The following AOPEP variants were observed in gnomAD, a reference collection of about 807,000 sequenced individuals.
AOPEP encodes the protein aminopeptidase O.
In AOPEP, 77 loss-of-function variants were observed where a neutral mutation model predicts 98.1. The observed-to-expected ratio is 0.78, with a 90% CI of 0.65 to 0.95. AOPEP has a LOEUF of 0.95. Among genes scored for constraint, AOPEP ranks in the 40% least tolerant of loss-of-function variants. The pLI, the probability that AOPEP is intolerant of heterozygous loss-of-function variation, is 0.00. For missense variants in AOPEP, 1,024 were observed against 1,024.7 expected (o/e 1.00, Z 0.01); for synonymous variants, 346 against 365.3 (o/e 0.95, Z 0.60).
intron 1 of AOPEP, among the ~76,000 whole-genome samples, chr9:94,750,838 C>T (rs1333305093): frequency 6.7e-6 from 1 of 148,824 alleles, no homozygotes; most frequent in Non-Finnish European, 1.5e-5. Context: ...AGCTCTGCCT[C>T]CTGGGTTCAC....
At chr9:94,856,364 G>A (rs933795226) in intron 5 of AOPEP, among the ~76,000 whole-genome samples, 1 of 152,096 alleles carries the variant, frequency 6.6e-6, no homozygotes, top group Admixed American at 6.5e-5. Context: ...GCAGAAGGCC[G>A]GGTGCGGTGG....
chr9:94,809,256 C>T (rs937183150), intron 5 of AOPEP, among the ~76,000 whole-genome samples: 15 of 152,140 alleles, frequency 9.9e-5, no homozygotes, highest in African/African-American at 3.4e-4. Context: ...AAAAGAGATT[C>T]TTTACTGGAG....
the AOPEP span, among the ~76,000 whole-genome samples, chr9:95,103,894 T>C: frequency 6.6e-6 from 1 of 152,178 alleles, no homozygotes; most frequent in African/African-American, 2.4e-5. Context: ...GTGCAAGGGC[T>C]CTGAAGAGAG....
intron 13 of AOPEP, among the ~76,000 whole-genome samples, chr9:95,047,314 T>C (rs76014691): frequency 0.011 from 1,643 of 152,232 alleles, 34 homozygotes; most frequent in African/African-American, 0.037. Flanking sequence ...CATTGCCTGA[T>C]TTTTTTTAAC....
At chr9:95,119,924 C>G in the AOPEP span, among the ~76,000 whole-genome samples, 1 of 152,180 alleles carries the variant, frequency 6.6e-6, no homozygotes, top group African/African-American at 2.4e-5. Flanking sequence ...GTTGCCCAGG[C>G]TGGTCTCCAT....
chr9:95,036,905 C>T (rs1275063632), intron 13 of AOPEP, among the ~76,000 whole-genome samples: 1 of 152,122 alleles, frequency 6.6e-6, no homozygotes, highest in African/African-American at 2.4e-5. Flanking sequence ...AGCCCGTGTG[C>T]CATCTTTTGA....
chr9:95,033,596 C>T (rs1363888080), intron 13 of AOPEP, among the ~76,000 whole-genome samples: 2 of 152,074 alleles, frequency 1.3e-5, no homozygotes, highest in East Asian at 1.9e-4. Flanking sequence ...TTTCCTCCTT[C>T]GTAAAAATGA....
intron 1 of AOPEP, among the ~76,000 whole-genome samples, chr9:94,757,714 G>A (rs771999323): frequency 2.8e-4 from 43 of 152,092 alleles, no homozygotes; most frequent in Non-Finnish European, 4.4e-4. Flanking sequence ...ATTGACCCTT[G>A]TCTCAGCTGA....
At chr9:95,037,597 G>C (rs2064939371) in intron 13 of AOPEP, among the ~76,000 whole-genome samples, 1 of 151,970 alleles carries the variant, frequency 6.6e-6, no homozygotes, top group South Asian at 2.1e-4. Context: ...CATAACTTTT[G>C]TTCTGGGCAC....
chr9:94,783,863 G>A (rs356142), intron 3 of AOPEP, among the ~76,000 whole-genome samples: 21,457 of 152,106 alleles, frequency 0.14, 1,664 homozygotes, highest in Admixed American at 0.19. Flanking sequence ...GTTTGGATAG[G>A]AATTGCTGAA....
intron 5 of AOPEP, among the ~76,000 whole-genome samples, chr9:94,817,671 GT>G (rs1852007833): frequency 6.6e-6 from 1 of 152,198 alleles, no homozygotes; most frequent in African/African-American, 2.4e-5. Flanking sequence ...TCAAGTAAAA[GT>G]TGGGAACAGA....
At chr9:95,067,302 G>C (rs1396056525) in intron 14 of AOPEP, among the ~76,000 whole-genome samples, 2 of 152,198 alleles carry the variant, frequency 1.3e-5, no homozygotes. Context: ...TGTAATGGTG[G>C]AATTTTGTGT....
rs182862692 is a variant in AOPEP at position 94,971,540 on chromosome 9, A to G, written c.1916+3739A>G. The stretch of plus-strand genomic sequence containing the variant: ...CCCACACCTACCCCCCGGAGCCTCT[A>G]ATCTTTGGCCTCTGTTGCAAACTGA... On this transcript the variant is annotated intron_variant, in intron 10 of 16. Transcript: ENST00000375315. Among the ~76,000 whole-genome samples, 13 of 152,260 alleles carry G rather than the reference A, an allele frequency of 8.5e-5. No individual in the cohort carries two copies. The East Asian group carries it at 2.5e-3, about 29-fold the overall frequency.
intron 13 of AOPEP, among the ~76,000 whole-genome samples, chr9:95,043,200 ATATGTG>A (rs2065491321): frequency 7.4e-6 from 1 of 135,798 alleles, no homozygotes; most frequent in Non-Finnish European, 1.6e-5. Flanking sequence ...AGGAAAATGT[ATATGTG>A]CATATGTATC....
At chr9:94,806,220 T>C (rs956535661) in intron 5 of AOPEP, among the ~76,000 whole-genome samples, 4 of 152,222 alleles carry the variant, frequency 2.6e-5, no homozygotes, top group African/African-American at 7.2e-5. Context: ...CTTTCTCCGA[T>C]GTGCTGCATA....
At chr9:94,899,207 G>T (rs2050044415) in intron 5 of AOPEP, among the ~76,000 whole-genome samples, 2 of 93,966 alleles carry the variant, frequency 2.1e-5, no homozygotes, top group Non-Finnish European at 2.1e-5. Flanking sequence ...TTTTTTGAGA[G>T]GGAGTCTTGC....
At chr9:94,920,963 G>T (rs551550581) in intron 5 of AOPEP, among the ~76,000 whole-genome samples, 1 of 150,262 alleles carries the variant, frequency 6.7e-6, no homozygotes, top group Non-Finnish European at 1.5e-5. Context: ...GAGCCAAAAA[G>T]AATTTATGGT....
chr9:95,040,818 A>G (rs1399527586), intron 13 of AOPEP, among the ~76,000 whole-genome samples: 3 of 152,358 alleles, frequency 2.0e-5, no homozygotes, highest in South Asian at 4.1e-4. Flanking sequence ...TTGCAGCTCC[A>G]GTGACAGCAA....
chr9:94,883,118 C>G (rs1351284716), intron 5 of AOPEP, among the ~76,000 whole-genome samples: 1 of 152,192 alleles, frequency 6.6e-6, no homozygotes, highest in Non-Finnish European at 1.5e-5. Context: ...AACTCACCCA[C>G]AAACCTCCAG....
Sources: gnomAD v4.1 joint callset for allele counts (sites outside exome capture counted in the v4.1 genomes callset) on GRCh38, gnomAD v4.1.1 for gene constraint, MANE v1.5 for transcripts, NCBI Gene and HGNC (gene_info 2026-07-23, HGNC 2026-07-21) for gene names.